The following C5orf34 variants were observed in gnomAD, a reference collection of about 807,000 sequenced individuals.
C5orf34 encodes chromosome 5 open reading frame 34.
In C5orf34, 73 loss-of-function variants were observed where a neutral mutation model predicts 78.4. The ratio of observed to expected loss-of-function variants is 0.93; its 90% CI spans 0.77 to 1.13. The LOEUF (loss-of-function observed/expected upper bound fraction) is 1.13, where lower values mean the gene tolerates loss of function less well. Ranked by LOEUF, C5orf34 falls within the 50% of genes most tolerant of loss-of-function variation. The probability of loss-of-function intolerance (pLI) is 0.00; values close to 1 mark genes in which losing one functional copy is unlikely to be tolerated. For synonymous variants in C5orf34, 251 were observed against 246.6 expected, an observed-to-expected ratio of 1.02 and a Z score of -0.17; for missense variants, 730 against 732.7, an observed-to-expected ratio of 1.00 and a Z score of 0.04.
At chr5:43,495,246 C>T (rs1220601786) in intron 6 of C5orf34, 6 of 1,607,460 alleles carry the variant, frequency 3.7e-6, no homozygotes, top group Non-Finnish European at 8.5e-7. Context: ...TTGCCAGGAA[C>T]CATATCAACA....
chr5:43,514,366 A>C (rs1746394344), intron 1 of C5orf34: 1 of 152,208 alleles, frequency 6.6e-6, no homozygotes, highest in Non-Finnish European at 1.5e-5. Context: ...ATATAAACAC[A>C]CACGTATATA....
intron 5 of C5orf34, 88 bp downstream of exon 5, chr5:43,503,577 G>C: frequency 5.7e-6 from 5 of 876,004 alleles, no homozygotes; most frequent in Non-Finnish European, 9.7e-6. Flanking sequence ...CCTCTTCTGA[G>C]AGTCTGTCTA....
chr5:43,504,345 G>A lies in C5orf34; in HGVS notation c.933-585C>T, dbSNP rs974328543. On this transcript the variant is annotated intron_variant, in intron 4 of 12. Transcript: ENST00000306862. ...AAATATCTATAGTGGGCCAAGCACT[G>A]TGCTATACACACTGTGGATATAACA... is the stretch of plus-strand genomic sequence containing the variant. Among the ~76,000 whole-genome samples the A allele has an allele frequency of 2.0e-5, 3 of 151,772 alleles. No homozygotes were observed. In the East Asian group the frequency reaches 5.8e-4, roughly 29 times the overall value.
At chr5:43,507,691 A>G (rs1387393076) in intron 3 of C5orf34, among the ~76,000 whole-genome samples, 1 of 152,238 alleles carries the variant, frequency 6.6e-6, no homozygotes, top group African/African-American at 2.4e-5. Context: ...TTACAGAGTC[A>G]GATAGACTAG....
At chr5:43,509,711 C>T (rs1177845076) in intron 1 of C5orf34, among the ~76,000 whole-genome samples, 1 of 152,140 alleles carries the variant, frequency 6.6e-6, no homozygotes, top group Non-Finnish European at 1.5e-5. Context: ...TAGAAGTTTA[C>T]TCCAATGCAG....
intron 6 of C5orf34, among the ~76,000 whole-genome samples, chr5:43,500,195 G>T (rs2112300957): frequency 6.6e-6 from 1 of 152,204 alleles, no homozygotes; most frequent in East Asian, 1.9e-4. Flanking sequence ...TTTCCCTGAT[G>T]CAAGTAGTAA....
At chr5:43,508,255 C>T (rs1746076156) in intron 3 of C5orf34, among the ~76,000 whole-genome samples, 2 of 152,056 alleles carry the variant, frequency 1.3e-5, no homozygotes. Context: ...AAACACAATA[C>T]TATATAAGCA....
intron 6 of C5orf34, chr5:43,496,340 T>C: frequency 6.3e-7 from 1 of 1,589,128 alleles, no homozygotes; most frequent in African/African-American, 1.3e-5. Flanking sequence ...AATTTTTCAA[T>C]GGTTCTTTTG....
At chr5:43,487,847 G>A in intron 12 of C5orf34, 62 bp downstream of exon 12, 1 of 1,267,140 alleles carries the variant, frequency 7.9e-7, no homozygotes, top group Non-Finnish European at 1.1e-6. Context: ...CTGAAGTCAT[G>A]AATTAAGCCT....
intron 1 of C5orf34, among the ~76,000 whole-genome samples, chr5:43,510,782 G>A (rs1222530887): frequency 5.3e-5 from 8 of 151,546 alleles, no homozygotes; most frequent in East Asian, 3.9e-4. Flanking sequence ...GCGTGATCTC[G>A]GCTAGCTACA....
intron 6 of C5orf34, among the ~76,000 whole-genome samples, chr5:43,498,284 C>T (rs1361874279): frequency 6.6e-6 from 1 of 152,000 alleles, no homozygotes; most frequent in African/African-American, 2.4e-5. Context: ...TATTGAGTTC[C>T]CTCTGGGTTC....
At chr5:43,503,847 GATTA>G (rs1745867138) in intron 4 of C5orf34, 87 bp from the exon 5 acceptor site, 4 of 800,570 alleles carry the variant, frequency 5.0e-6, no homozygotes, top group East Asian at 5.0e-5. Context: ...ACTGTAACAG[GATTA>G]ATTTCTTGTT....
intron 3 of C5orf34, among the ~76,000 whole-genome samples, chr5:43,507,627 G>A (rs928554167): frequency 1.3e-5 from 2 of 152,162 alleles, no homozygotes; most frequent in African/African-American, 4.8e-5. Context: ...TCAGCCGGCA[G>A]GCAAGCATCT....
In C5orf34 at chr5:43,512,760, CTTTTTTTTTTTTTTTTTTTTTTTT is replaced by C. The variant is rs58813772; in HGVS notation, c.-37+2022_-37+2045del. On this transcript the variant is annotated intron_variant, in intron 1 of 12. Transcript: ENST00000306862. ...ATGTCACTTTTATGCCCCACCTTGT[CTTTTTTTTTTTTTTTTTTTTTTTT>C]TTTTTTTTTTTTTTTTTGAGACAGA... Among the ~76,000 whole-genome samples the C allele has an allele frequency of 4.1e-4, 30 of 72,896 alleles. 1 individual carries two copies. The highest frequency in any genetic ancestry group is 5.1e-4 in the Non-Finnish European group (20 of 39,082). 47.8% of individuals were successfully genotyped at this position (72,896 alleles called of 152,430 possible).
At position 43,493,530 on chromosome 5, in the gene C5orf34, A is replaced by G; in HGVS notation, c.1314+13T>C. ...TTTAAAAATATCTTGCTTTTAAAAT[A>G]ATTTTAACATACCATTTTCCAGCAG... On this transcript the variant is annotated intron_variant, in intron 8 of 12. Coordinates refer to ENST00000306862, the MANE Select transcript of C5orf34 (RefSeq NM_198566.4). The G allele has an allele frequency of 7.0e-7, 1 of 1,437,522 alleles. No homozygotes were observed. The highest frequency in any genetic ancestry group is 9.7e-7 in the Non-Finnish European group (1 of 1,032,674). The allele number at this position is 1,437,522 out of a possible 1,614,324, so 89.0% of individuals were successfully genotyped here.
chr5:43,494,271 TG>T (rs1304974084), intron 7 of C5orf34, among the ~76,000 whole-genome samples: 1 of 152,190 alleles, frequency 6.6e-6, no homozygotes, highest in African/African-American at 2.4e-5. Flanking sequence ...TCTCAGCACT[TG>T]CTCACCATAT....
At chr5:43,487,211 G>T in intron 12 of C5orf34, 100 bp from the exon 13 acceptor site, 1 of 563,950 alleles carries the variant, frequency 1.8e-6, no homozygotes, top group Non-Finnish European at 2.9e-6. Flanking sequence ...TTTCTCAGCT[G>T]GAAGACCTCT....
intron 6 of C5orf34, among the ~76,000 whole-genome samples, chr5:43,499,792 C>T (rs573952050): frequency 3.3e-5 from 5 of 152,286 alleles, no homozygotes; most frequent in East Asian, 1.9e-4. Flanking sequence ...CTGTATGCAT[C>T]GACATCTACC....
At chr5:43,491,449 A>C (rs1163090813) in intron 10 of C5orf34, among the ~76,000 whole-genome samples, 4 of 152,234 alleles carry the variant, frequency 2.6e-5, no homozygotes, top group Admixed American at 2.6e-4. Context: ...TTACTGTAAT[A>C]AATTAGATAA....
Sources: gnomAD v4.1 joint callset for allele counts (sites outside exome capture counted in the v4.1 genomes callset) on GRCh38, gnomAD v4.1.1 for gene constraint, MANE v1.5 for transcripts, NCBI Gene and HGNC (gene_info 2026-07-23, HGNC 2026-07-21) for gene names.